The following TLE7 variants were observed in gnomAD, a reference collection of about 807,000 sequenced individuals.
The protein encoded by TLE7 is TLE family member 7.
chr16:71,438,586 C>T (rs2042835579), intron 1 of TLE7, among the ~76,000 whole-genome samples: 1 of 145,920 alleles, frequency 6.9e-6, no homozygotes, highest in South Asian at 2.2e-4. Context: ...GAGGCTGAGG[C>T]AGGGAGAATC....
intron 1 of TLE7, among the ~76,000 whole-genome samples, chr16:71,438,590 G>A (rs2042835639): frequency 6.7e-6 from 1 of 148,462 alleles, no homozygotes; most frequent in South Asian, 2.2e-4. Flanking sequence ...CTGAGGCAGG[G>A]AGAATCACTT....
At chr16:71,438,681 CAA>C (rs71389663) in intron 1 of TLE7, among the ~76,000 whole-genome samples, 64 of 65,762 alleles carry the variant, frequency 9.7e-4, no homozygotes, top group South Asian at 5.9e-3. Flanking sequence ...GACTCCATCT[CAA>C]AAAAAAAAAA....
At chr16:71,434,130 G>A (rs1335154257) in intron 1 of TLE7, among the ~76,000 whole-genome samples, 5 of 152,164 alleles carry the variant, frequency 3.3e-5, no homozygotes, top group Non-Finnish European at 7.3e-5. Context: ...GTCCTACTTG[G>A]ACGGGGCAAG....
intron 3 of TLE7, 42 bp from the exon 4 acceptor site, chr16:71,432,765 C>T (rs1049822056): frequency 7.5e-6 from 3 of 398,634 alleles, no homozygotes; most frequent in African/African-American, 2.1e-5. Flanking sequence ...CAGAGTCCCA[C>T]GCTTCAGGGA....
At chr16:71,436,838 G>A (rs769290633) in intron 1 of TLE7, among the ~76,000 whole-genome samples, 2 of 152,148 alleles carry the variant, frequency 1.3e-5, no homozygotes, top group Non-Finnish European at 2.9e-5. Flanking sequence ...TCTCTTTTTC[G>A]TGGCTGTCTC....
chr16:71,439,190 TGGA>T (rs2042838059), intron 1 of TLE7, among the ~76,000 whole-genome samples: 1 of 151,470 alleles, frequency 6.6e-6, no homozygotes, highest in Non-Finnish European at 1.5e-5. Context: ...AGTGACATGG[TGGA>T]GGAGGAGGGC....
chr16:71,441,035 G>T (rs574843417), intron 1 of TLE7, among the ~76,000 whole-genome samples: 1 of 152,250 alleles, frequency 6.6e-6, no homozygotes, highest in South Asian at 2.1e-4. Flanking sequence ...TCCCGTCCCT[G>T]CCATGGGAAG....
At chr16:71,438,444 G>T (rs1419300936) in intron 1 of TLE7, among the ~76,000 whole-genome samples, 1 of 134,104 alleles carries the variant, frequency 7.5e-6, no homozygotes, top group Non-Finnish European at 1.6e-5. Context: ...AAAAAAAAGA[G>T]AGAGAGAAAG....
Position 71,435,468 on chromosome 16 carries a change from G to C in TLE7, c.-96-2048C>G, listed in dbSNP as rs761088066. The stretch of plus-strand genomic sequence containing the variant: ...TAACAAGGATGCATACATTGATATG[G>C]AATATTCCAAGGTGTATTAATAAGT... On this transcript the variant is annotated intron_variant, in intron 1 of 9. Transcript: ENST00000561754. 5.9e-5 allele frequency among the ~76,000 whole-genome samples: 9 copies of C among 152,280 alleles called. No individual in the cohort carries two copies. In the South Asian group the frequency reaches 8.3e-4, roughly 14 times the overall value.
At chr16:71,436,894 C>A (rs1302509924) in intron 1 of TLE7, among the ~76,000 whole-genome samples, 2 of 152,178 alleles carry the variant, frequency 1.3e-5, no homozygotes, top group Non-Finnish European at 1.5e-5. Context: ...CCCCTGGAGG[C>A]CTTGTTAAAA....
intron 1 of TLE7, 86 bp from the exon 2 acceptor site, chr16:71,433,506 GA>G (rs1234161945): frequency 2.5e-6 from 1 of 395,840 alleles, no homozygotes; most frequent in African/African-American, 2.1e-5. Context: ...CTCCTTTGGT[GA>G]AAAGATTCAA....
chr16:71,433,301 T>C lies in TLE7; in HGVS notation c.24A>G (p.Ala8=), dbSNP rs947278590. The C allele has an allele frequency of 1.0e-5, 4 of 398,708 alleles. No individual in the cohort carries two copies. The highest frequency in any genetic ancestry group is 1.3e-5 in the Non-Finnish European group (3 of 226,112). 24.7% of individuals were successfully genotyped at this position (398,708 alleles called of 1,614,324 possible). A position where few individuals can be genotyped will look rare whatever the true frequency, so the allele number is the denominator to read the frequency against. Residue 8 remains alanine (A), a synonymous_variant, in exon 2 of 10, where the codon GCA becomes GCG. Transcript: ENST00000561754. MSGEKEE[A]SLRMFGAYGE... ...CATAAGCCCCGAACATTCTGAGCGATGCCTCTTCCTTCTCTCCACTCATGT... is the reference window on the plus strand; with the variant it reads ...CATAAGCCCCGAACATTCTGAGCGACGCCTCTTCCTTCTCTCCACTCATGT...
At position 71,441,559 on chromosome 16, in the gene TLE7, G is replaced by C. The variant is rs1407558472; in HGVS notation, c.-97+410C>G. Among the ~76,000 whole-genome samples the C allele has an allele frequency of 2.0e-5, 3 of 152,366 alleles. No individual in the cohort carries two copies. The East Asian group carries it at 5.8e-4, about 29-fold the overall frequency. Reference sequence around the variant, plus strand: ...CAGCCCTCGCTTGGCCGGCGCCCCAGGGCCTGGCTCTTGGATTTTCCTCCC... The same window carrying C: ...CAGCCCTCGCTTGGCCGGCGCCCCACGGCCTGGCTCTTGGATTTTCCTCCC... On this transcript the variant is annotated intron_variant, in intron 1 of 9. Transcript: ENST00000561754.
Position 71,430,718 on chromosome 16 carries a change from C to A in TLE7, c.1171G>T (p.Asp391Tyr). Residue 391 changes from aspartate (D) to tyrosine (Y), a missense_variant, in exon 9 of 10, where the codon GAT becomes TAT. By Grantham distance (160) the Asp-to-Tyr change is radical. Coordinates refer to ENST00000561754, the MANE Select transcript of TLE7 (RefSeq NM_001367365.2). ...SCGSYFVTAI[D>Y]TRLSGLEAPS... Reference sequence around the variant, plus strand: ...GCCTCCAAGCCACTGAGGCGCGTATCTATCGCGGTCACAAAATAGCTCCCT... The same window carrying A: ...GCCTCCAAGCCACTGAGGCGCGTATATATCGCGGTCACAAAATAGCTCCCT... 2.5e-6 allele frequency: 1 copy of A among 398,656 alleles called. No individual in the cohort carries two copies. Among genetic ancestry groups the A allele is most frequent in the South Asian group, 1.3e-4 (1 of 7,838 alleles). The allele number at this position is 398,656 out of a possible 1,614,324, so 24.7% of individuals were successfully genotyped here.
intron 1 of TLE7, among the ~76,000 whole-genome samples, chr16:71,439,265 A>G (rs1229956714): frequency 2.6e-5 from 4 of 152,194 alleles, no homozygotes; most frequent in Non-Finnish European, 5.9e-5. Context: ...GAAAGGTGAT[A>G]GGGAGTACGT....
In TLE7 at chr16:71,430,644, C is replaced by T. The variant is rs184586189; in HGVS notation, c.1221+24G>A. 4.3e-3 allele frequency: 1,701 copies of T among 398,482 alleles called. 16 individuals are homozygous for T. Among genetic ancestry groups the T allele is most frequent in the Non-Finnish European group, 5.1e-3 (1,157 of 226,058 alleles). The allele number at this position is 398,482 out of a possible 1,614,324, so 24.7% of individuals were successfully genotyped here. Reference sequence around the variant, plus strand: ...GCTACAAGCTCCCAGTGCCTGGGTTCGGGCATCCCTCTGTGTCCAGTACCT... The same window carrying T: ...GCTACAAGCTCCCAGTGCCTGGGTTTGGGCATCCCTCTGTGTCCAGTACCT... On this transcript the variant is annotated intron_variant, in intron 9 of 9. Coordinates refer to ENST00000561754, the MANE Select transcript of TLE7 (RefSeq NM_001367365.2).
chr16:71,430,640 G>C, intron 9 of TLE7, 28 bp downstream of exon 9: 1 of 398,564 alleles, frequency 2.5e-6, no homozygotes, highest in Non-Finnish European at 4.4e-6. Context: ...CCAGTGCCTG[G>C]GTTCGGGCAT....
intron 1 of TLE7, among the ~76,000 whole-genome samples, chr16:71,440,106 C>CCAA (rs1479201548): frequency 6.6e-6 from 1 of 152,178 alleles, no homozygotes; most frequent in African/African-American, 2.4e-5. Flanking sequence ...ACACAAAAGG[C>CCAA]CAATACTGCA....
At chr16:71,435,016 G>A (rs2042820807) in intron 1 of TLE7, among the ~76,000 whole-genome samples, 1 of 152,246 alleles carries the variant, frequency 6.6e-6, no homozygotes, top group Non-Finnish European at 1.5e-5. Context: ...TCCAGCCTGG[G>A]ATTTGGCAGA....
Sources: gnomAD v4.1 joint callset for allele counts (sites outside exome capture counted in the v4.1 genomes callset) on GRCh38, gnomAD v4.1.1 for gene constraint, MANE v1.5 for transcripts, NCBI Gene and HGNC (gene_info 2026-07-23, HGNC 2026-07-21) for gene names.